Variants in CD99 observed in about 807,000 individuals in gnomAD.
CD99 encodes CD99 molecule (Xg blood group), also known as CD99 antigen.
Under a neutral mutation model 28.4 loss-of-function variants are expected in CD99, and 19 were observed. The ratio of observed to expected loss-of-function variants is 0.67; its 90% CI spans 0.47 to 0.98. The LOEUF is 0.98. CD99 is among the 50% of genes least tolerant of loss of function. The pLI, the probability that CD99 is intolerant of heterozygous loss-of-function variation, is 0.00. For missense variants in CD99, 283 were observed against 248.8 expected, an observed-to-expected ratio of 1.14 and a Z score of -0.92; for synonymous variants, 103 against 92.1, an observed-to-expected ratio of 1.12 and a Z score of -0.67.
intron 9 of CD99, among the ~76,000 whole-genome samples, chrX:2,739,035 A>T (rs1250594862): frequency 1.1e-4 from 17 of 149,684 alleles, no homozygotes; most frequent in Admixed American, 9.3e-4. Flanking sequence ...TTTTTTTTTT[A>T]TTTTGTAGAG....
intron 1 of CD99, among the ~76,000 whole-genome samples, chrX:2,696,411 T>A (rs2047575858): frequency 6.6e-6 from 1 of 152,188 alleles, no homozygotes; most frequent in Admixed American, 6.6e-5. Context: ...TCTTTTCTTT[T>A]TATTTTGAGA....
intron 1 of CD99, among the ~76,000 whole-genome samples, chrX:2,705,728 C>T (rs2048081023): frequency 6.6e-6 from 1 of 152,108 alleles, no homozygotes; most frequent in African/African-American, 2.4e-5. Context: ...ACGCTTTGTG[C>T]CCTGTGACCG....
chrX:2,714,930 T>TC, intron 2 of CD99: 10 of 155,164 alleles, frequency 6.4e-5, no homozygotes. Flanking sequence ...TTAAGATAAA[T>TC]GAACCACCCT....
At chrX:2,737,887 C>A in intron 8 of CD99, 3 of 518,764 alleles carry the variant, frequency 5.8e-6, no homozygotes, top group East Asian at 3.7e-5. Context: ...ATAGAAAGAG[C>A]TTCCATGTGC....
chrX:2,695,419 G>C (rs1400108738), intron 1 of CD99, among the ~76,000 whole-genome samples: 4 of 151,894 alleles, frequency 2.6e-5, no homozygotes, highest in Non-Finnish European at 4.4e-5. Context: ...TGACCAGGCT[G>C]AAAAATATTT....
Position 2,740,946 on chromosome X carries a change from T to C in CD99, c.*142T>C, listed in dbSNP as rs1278211920. The C allele has an allele frequency of 3.2e-6, 3 of 937,178 alleles. No homozygotes were observed. The highest frequency in any genetic ancestry group is 5.2e-6 in the Non-Finnish European group (3 of 573,404). The allele number at this position is 937,178 out of a possible 1,614,324, so 58.1% of individuals were successfully genotyped here. A position where few individuals can be genotyped will look rare whatever the true frequency, so the allele number is the denominator to read the frequency against. On this transcript the variant is annotated 3_prime_UTR_variant, in exon 10 of 10. Coordinates refer to ENST00000381192, the MANE Select transcript of CD99 (RefSeq NM_002414.5). The stretch of plus-strand genomic sequence containing the variant: ...GATTCTTTGTTTTAATCTTGCGATG[T>C]GCTTTGCTTGTTGCTGGGCGGATGA...
intron 8 of CD99, among the ~76,000 whole-genome samples, chrX:2,730,517 C>T (rs1332053094): frequency 1.3e-5 from 2 of 152,038 alleles, no homozygotes; most frequent in African/African-American, 2.4e-5. Flanking sequence ...GAAGAATTGG[C>T]TCAGGGGAGT....
chrX:2,737,419 G>A (rs1386351431), intron 8 of CD99, among the ~76,000 whole-genome samples: 5 of 110 alleles, frequency 0.045, no homozygotes, highest in South Asian at 0.33. Context: ...CTCGTGATCC[G>A]CCCGCCTGGC....
intron 1 of CD99, among the ~76,000 whole-genome samples, chrX:2,712,340 G>A (rs28371882): frequency 0.21 from 31,339 of 151,848 alleles, 3,424 homozygotes; most frequent in Middle Eastern, 0.28. Context: ...GTAAGAATGC[G>A]TTGCATACTT....
chrX:2,717,221 A>C (rs2048767671), intron 2 of CD99, among the ~76,000 whole-genome samples: 1 of 151,866 alleles, frequency 6.6e-6, no homozygotes, highest in Non-Finnish European at 1.5e-5. Flanking sequence ...GATGGCATGC[A>C]CCTGTAAGCC....
intron 1 of CD99, among the ~76,000 whole-genome samples, chrX:2,703,834 T>G (rs2047994978): frequency 6.6e-6 from 1 of 152,106 alleles, no homozygotes; most frequent in Non-Finnish European, 1.5e-5. Context: ...TAAGTCAGTT[T>G]CCGGTGTTTC....
At chrX:2,735,983 A>C (rs1302538884) in intron 8 of CD99, among the ~76,000 whole-genome samples, 2 of 152,038 alleles carry the variant, frequency 1.3e-5, no homozygotes, top group African/African-American at 4.8e-5. Flanking sequence ...TGGGCAGATC[A>C]CGAAGTCAGG....
chrX:2,726,600 G>A (rs2049297985), intron 8 of CD99, among the ~76,000 whole-genome samples: 1 of 152,204 alleles, frequency 6.6e-6, no homozygotes. Flanking sequence ...CACTGCTGCA[G>A]TGCTTGGGTT....
At chrX:2,718,746 G>A (rs2048860750) in intron 3 of CD99, among the ~76,000 whole-genome samples, 2 of 152,118 alleles carry the variant, frequency 1.3e-5, no homozygotes, top group Admixed American at 6.6e-5. Flanking sequence ...CCCCACTGGC[G>A]GATAAACAGA....
intron 1 of CD99, among the ~76,000 whole-genome samples, chrX:2,704,800 A>G (rs928073725): frequency 1.4e-5 from 2 of 140,154 alleles, no homozygotes; most frequent in South Asian, 2.3e-4. Flanking sequence ...TGCAATCTCA[A>G]CCTCCACAAG....
rs770434743 is a variant in CD99, at chrX:2,709,546, C to CAT, written c.68-4871_68-4870dup. ...GTGTGCACACACATGCAGTGCAATACATATATGCATGCACATGTGTGCCCA... is the reference window on the plus strand; with the variant it reads ...GTGTGCACACACATGCAGTGCAATACATATATATGCATGCACATGTGTGCCCA... On this transcript the variant is annotated intron_variant, in intron 1 of 9. Coordinates refer to ENST00000381192, the MANE Select transcript of CD99 (RefSeq NM_002414.5). Among the ~76,000 whole-genome samples the CAT allele has an allele frequency of 7.9e-3, 1,201 of 152,386 alleles. 18 individuals carry two copies. Among genetic ancestry groups the CAT allele is most frequent in the African/African-American group, 0.027 (1,115 of 41,596 alleles).
At chrX:2,730,169 A>G (rs2124218791) in intron 8 of CD99, among the ~76,000 whole-genome samples, 1 of 115,152 alleles carries the variant, frequency 8.7e-6, no homozygotes, top group Non-Finnish European at 1.7e-5. Flanking sequence ...ATAAAAATAA[A>G]AATACCTTTT....
intron 1 of CD99, among the ~76,000 whole-genome samples, chrX:2,709,686 GCACATGCATGAACATAGACACA>G (rs2048302141): frequency 9.3e-6 from 1 of 107,588 alleles, no homozygotes; most frequent in Non-Finnish European, 2.2e-5. Context: ...ATCCACACGC[GCACATGCATGAACATAGACACA>G]CACATGCATG....
At chrX:2,707,525 G>A (rs2124514674) in intron 1 of CD99, among the ~76,000 whole-genome samples, 1 of 152,214 alleles carries the variant, frequency 6.6e-6, no homozygotes, top group African/African-American at 2.4e-5. Context: ...CCTGGCTGAT[G>A]AGAAAAAGTA....
Sources: gnomAD v4.1 joint callset for allele counts (sites outside exome capture counted in the v4.1 genomes callset) on GRCh38, gnomAD v4.1.1 for gene constraint, MANE v1.5 for transcripts, NCBI Gene and HGNC (gene_info 2026-07-23, HGNC 2026-07-21) for gene names.